The following PARVB variants were observed in gnomAD, a reference collection of about 807,000 sequenced individuals.
PARVB encodes beta-parvin.
A neutral mutation model predicts 47.0 loss-of-function variants in PARVB; 46 were observed. The ratio of observed to expected loss-of-function variants is 0.98; its 90% CI spans 0.77 to 1.25. PARVB has a LOEUF of 1.25. Ranked by LOEUF, PARVB falls within the 50% of genes most tolerant of loss-of-function variation. The probability of loss-of-function intolerance (pLI) is 0.00; values close to 1 mark genes in which losing one functional copy is unlikely to be tolerated. For missense variants in PARVB, 473 were observed against 471.6 expected (o/e 1.00, Z -0.03); for synonymous variants, 196 against 196.3 (o/e 1.00, Z 0.01).
chr22:44,131,813 G>A (rs540423111), intron 5 of PARVB, among the ~76,000 whole-genome samples, 186 bp downstream of exon 5: 2 of 152,296 alleles, frequency 1.3e-5, no homozygotes, highest in East Asian at 3.9e-4. Context: ...AAGGGTTAGG[G>A]AGATCCTAGA....
chr22:44,051,222 T>C (rs1052017489), intron 1 of PARVB, among the ~76,000 whole-genome samples: 12 of 152,248 alleles, frequency 7.9e-5, no homozygotes, highest in Non-Finnish European at 1.6e-4. Flanking sequence ...AGACTTGTGC[T>C]CTGCAGCTGC....
chr22:44,051,803 G>A (rs1239327433), intron 1 of PARVB, among the ~76,000 whole-genome samples: 3 of 152,226 alleles, frequency 2.0e-5, no homozygotes, highest in Non-Finnish European at 4.4e-5. Flanking sequence ...ATGTGCTTAA[G>A]ACGAGGCCTG....
At chr22:44,000,110 G>T (rs942616984) in intron 2 of PARVB, among the ~76,000 whole-genome samples, 1 of 152,202 alleles carries the variant, frequency 6.6e-6, no homozygotes, top group Admixed American at 6.5e-5. Context: ...CTTTCCTCAG[G>T]TTTTTCTTCT....
chr22:44,064,203 G>A (rs544257734), intron 1 of PARVB, among the ~76,000 whole-genome samples: 1 of 152,206 alleles, frequency 6.6e-6, no homozygotes, highest in African/African-American at 2.4e-5. Flanking sequence ...ACCAGCCCTC[G>A]GTGCAGCCAG....
rs761024722 is a variant in PARVB, at chr22:44,049,585, G to A, written c.112+25134G>A. Among the ~76,000 whole-genome samples the A allele has an allele frequency of 3.9e-5, 6 of 152,250 alleles. No homozygotes were observed. Among genetic ancestry groups the A allele is most frequent in the Non-Finnish European group, 4.4e-5 (3 of 68,050 alleles). On this transcript the variant is annotated intron_variant, in intron 1 of 12. Transcript: ENST00000338758. The surrounding 1 kb of genome is among the most constrained non-coding windows in gnomAD (Gnocchi z 4.0). Reference sequence around the variant, plus strand: ...TTCCTCCAGCGATAAAAGGCCTGCTGAGGAAGCGGCCCCACTCCCAGCACA... The same window carrying A: ...TTCCTCCAGCGATAAAAGGCCTGCTAAGGAAGCGGCCCCACTCCCAGCACA...
At chr22:44,107,677 C>T (rs933470245) in intron 3 of PARVB, 1 of 152,066 alleles carries the variant, frequency 6.6e-6, no homozygotes, top group Admixed American at 6.5e-5. Flanking sequence ...CACCAATAGC[C>T]AATGATGTAA....
intron 1 of PARVB, among the ~76,000 whole-genome samples, chr22:44,062,966 T>C (rs888654608): frequency 2.6e-5 from 4 of 152,178 alleles, no homozygotes; most frequent in African/African-American, 9.7e-5. Flanking sequence ...GGTGTGGAGC[T>C]GAAAGCTCCA....
At chr22:44,073,527 G>A (rs1332481686) in intron 1 of PARVB, among the ~76,000 whole-genome samples, 1 of 152,160 alleles carries the variant, frequency 6.6e-6, no homozygotes, top group Non-Finnish European at 1.5e-5. Flanking sequence ...GACCATACCT[G>A]CTTTTCCAGC....
chr22:44,082,562 CAT>C (rs2051929455), intron 1 of PARVB, among the ~76,000 whole-genome samples: 2 of 152,118 alleles, frequency 1.3e-5, no homozygotes, highest in African/African-American at 2.4e-5. Context: ...AAAACTGACT[CAT>C]GTGGCTTTCA....
chr22:44,132,816 T>C, intron 5 of PARVB, 78 bp from the exon 6 acceptor site: 1 of 875,278 alleles, frequency 1.1e-6, no homozygotes, highest in Non-Finnish European at 1.9e-6. Flanking sequence ...ATGCTGTGTC[T>C]CTGTTGCCTT....
rs186313077 is a variant in PARVB at position 44,082,644 on chromosome 22, C to T, written c.113-11284C>T. On this transcript the variant is annotated intron_variant, in intron 1 of 12. Transcript: ENST00000338758. ...CCTCCTTTGTAGACAAGAAGCTCAC[C>T]GGCCCCTCCATGCCCCGGTTTCTCG... Among the ~76,000 whole-genome samples, 109 of 152,298 alleles carry T rather than the reference C, an allele frequency of 7.2e-4. 1 individual carries two copies. Among genetic ancestry groups the T allele is most frequent in the Admixed American group, 1.3e-3 (20 of 15,294 alleles).
chr22:44,156,759 C>T (rs1303842448), intron 10 of PARVB, among the ~76,000 whole-genome samples: 1 of 152,122 alleles, frequency 6.6e-6, no homozygotes, highest in Non-Finnish European at 1.5e-5. Flanking sequence ...GAAAGGTTAG[C>T]ATAAGCGAGA....
chr22:44,128,074 C>T (rs1291529384), intron 4 of PARVB, among the ~76,000 whole-genome samples: 2 of 152,226 alleles, frequency 1.3e-5, no homozygotes, highest in Non-Finnish European at 2.9e-5. Context: ...TGAGCCACTA[C>T]ACCCAGCCGA....
At chr22:44,102,603 C>A (rs1006450163) in intron 3 of PARVB, among the ~76,000 whole-genome samples, 1 of 151,694 alleles carries the variant, frequency 6.6e-6, no homozygotes, top group Admixed American at 6.6e-5. Context: ...CCTGGGAGGC[C>A]AAGGTTGGGG....
At chr22:44,136,643 T>A in intron 7 of PARVB, 125 bp downstream of exon 7, 1 of 752,780 alleles carries the variant, frequency 1.3e-6, no homozygotes, top group Non-Finnish European at 2.4e-6. Flanking sequence ...CCCTTCTCTG[T>A]AGCATGTGAT....
At chr22:44,003,567 C>T (rs1318846461) in intron 2 of PARVB, among the ~76,000 whole-genome samples, 1 of 152,196 alleles carries the variant, frequency 6.6e-6, no homozygotes, top group Non-Finnish European at 1.5e-5. Context: ...CAGGACTGGA[C>T]TCCCTGGAAT....
chr22:44,048,197 A>G (rs939970720), intron 1 of PARVB, among the ~76,000 whole-genome samples: 4 of 152,112 alleles, frequency 2.6e-5, no homozygotes, highest in African/African-American at 9.7e-5. Flanking sequence ...ATACTTTTTC[A>G]CTGGGGCCTG....
At chr22:44,097,914 C>T (rs894426201) in intron 2 of PARVB, among the ~76,000 whole-genome samples, 3 of 152,266 alleles carry the variant, frequency 2.0e-5, no homozygotes, top group Non-Finnish European at 4.4e-5. Flanking sequence ...GTGGTCCCGC[C>T]GACTGAGGCA....
At chr22:44,132,554 G>A (rs1569142459) in intron 5 of PARVB, among the ~76,000 whole-genome samples, 1 of 152,158 alleles carries the variant, frequency 6.6e-6, no homozygotes, top group Non-Finnish European at 1.5e-5. Context: ...CTTGTGATGG[G>A]TAAGTGGCCG....
Sources: gnomAD v4.1 joint callset for allele counts (sites outside exome capture counted in the v4.1 genomes callset) on GRCh38, gnomAD v4.1.1 for gene constraint, Gnocchi (gnomAD v3.1) non-coding constraint, MANE v1.5 for transcripts, NCBI Gene and HGNC (gene_info 2026-07-23, HGNC 2026-07-21) for gene names.